Variants in RCBTB2 observed in about 807,000 individuals in gnomAD.
RCBTB2 encodes the protein RCC1 and BTB domain containing protein 2.
In RCBTB2, 55 loss-of-function variants were observed where a neutral mutation model predicts 65.4. The ratio of observed to expected loss-of-function variants is 0.84; its 90% CI spans 0.68 to 1.05. The LOEUF is 1.05. RCBTB2 is among the 50% of genes least tolerant of loss of function. RCBTB2 has a pLI of 0.00. For missense variants in RCBTB2, 599 were observed against 680.1 expected, an observed-to-expected ratio of 0.88 and a Z score of 1.33; for synonymous variants, 220 against 255.2, an observed-to-expected ratio of 0.86 and a Z score of 1.31.
At chr13:48,506,599 A>G (rs1423095752) in intron 10 of RCBTB2, among the ~76,000 whole-genome samples, 1 of 152,198 alleles carries the variant, frequency 6.6e-6, no homozygotes, top group East Asian at 1.9e-4. Context: ...GGGAGGCAGA[A>G]GCCGCGCTGG....
chr13:48,514,888 G>A lies in RCBTB2; in HGVS notation c.349+317C>T, dbSNP rs575428751. On this transcript the variant is annotated intron_variant, in intron 6 of 14. Coordinates refer to ENST00000344532, the MANE Select transcript of RCBTB2 (RefSeq NM_001268.4). Reference sequence around the variant, plus strand: ...ACAGAATGCTAAGAGTTGGCGGGGGGATGTTGGACACAAGGTTTAGTCTTT... The same window carrying A: ...ACAGAATGCTAAGAGTTGGCGGGGGAATGTTGGACACAAGGTTTAGTCTTT... 2.6e-5 allele frequency among the ~76,000 whole-genome samples: 4 copies of A among 152,288 alleles called. No individual in the cohort carries two copies. The South Asian group carries it at 8.3e-4, about 32-fold the overall frequency.
At chr13:48,528,244 G>T (rs987737944) in intron 1 of RCBTB2, among the ~76,000 whole-genome samples, 1 of 152,030 alleles carries the variant, frequency 6.6e-6, no homozygotes, top group African/African-American at 2.4e-5. Flanking sequence ...AGTTAATCAG[G>T]GGCTTCTAAA....
intron 14 of RCBTB2, among the ~76,000 whole-genome samples, chr13:48,493,313 ACACTCTCT>A (rs1398032114): frequency 6.7e-5 from 4 of 60,060 alleles, no homozygotes; most frequent in African/African-American, 2.9e-4. Context: ...ACACACACAC[ACACTCTCT>A]CTCTCTCTCT....
At chr13:48,515,518 C>T (rs540999702) in intron 5 of RCBTB2, 68 bp downstream of exon 5, 4 of 1,449,158 alleles carry the variant, frequency 2.8e-6, no homozygotes, top group Non-Finnish European at 3.8e-6. Context: ...TTAGTTCCCC[C>T]AAGATCTTCA....
intron 10 of RCBTB2, among the ~76,000 whole-genome samples, chr13:48,506,866 G>GAAAT (rs1277139535): frequency 1.3e-5 from 2 of 152,198 alleles, no homozygotes; most frequent in East Asian, 3.8e-4. Flanking sequence ...TGTGTCCTTT[G>GAAAT]GGGTAATGTT....
intron 1 of RCBTB2, among the ~76,000 whole-genome samples, chr13:48,527,339 T>TATATATATG (rs1951819984): frequency 8.5e-6 from 1 of 118,064 alleles, no homozygotes; most frequent in Non-Finnish European, 1.5e-5. Context: ...ATATATATGA[T>TATATATATG]ATATATATAT....
chr13:48,520,418 T>G (rs1951355433), intron 4 of RCBTB2, among the ~76,000 whole-genome samples: 1 of 152,208 alleles, frequency 6.6e-6, no homozygotes, highest in African/African-American at 2.4e-5. Context: ...CATGGCAATA[T>G]GGTGTCCCTA....
intron 10 of RCBTB2, among the ~76,000 whole-genome samples, chr13:48,510,285 T>C (rs548922544): frequency 3.0e-4 from 46 of 152,256 alleles, no homozygotes; most frequent in Non-Finnish European, 5.3e-4. Context: ...TTGAATGTTA[T>C]TGACACCCCC....
At chr13:48,509,744 T>C (rs1217875234) in intron 10 of RCBTB2, among the ~76,000 whole-genome samples, 1 of 152,216 alleles carries the variant, frequency 6.6e-6, no homozygotes, top group African/African-American at 2.4e-5. Flanking sequence ...ACTGAGGCAG[T>C]TGAAAAATGA....
intron 4 of RCBTB2, among the ~76,000 whole-genome samples, chr13:48,516,867 TATA>T (rs1437159787): frequency 6.6e-6 from 1 of 152,238 alleles, no homozygotes; most frequent in Non-Finnish European, 1.5e-5. Flanking sequence ...TTTTGTAGGT[TATA>T]ATAAGATACA....
intron 4 of RCBTB2, 136 bp from the exon 5 acceptor site, chr13:48,515,877 C>A: frequency 8.0e-6 from 7 of 877,432 alleles, no homozygotes; most frequent in Non-Finnish European, 1.2e-5. Flanking sequence ...CCTCTCGCAG[C>A]TGCAGGGATT....
In RCBTB2 at chr13:48,515,607, T is replaced by C. The variant is rs1247956366; in HGVS notation, c.177A>G (p.Leu59=). 5 of 1,610,896 alleles carry C rather than the reference T, an allele frequency of 3.1e-6. No individual in the cohort carries two copies. In the African/African-American group the frequency reaches 4.0e-5, roughly 13 times the overall value. The change falls in exon 5 of 15, where the codon TTA becomes TTG. Residue 59 remains leucine, a synonymous_variant. Transcript: ENST00000344532. ...CVFGSAGNEV[L]YTTVNDEIFV... ...TTACCTCATCATTTACTGTAGTGTA[T>C]AAAACTTCATTGCCAGCACTGCCAA...
intron 14 of RCBTB2, among the ~76,000 whole-genome samples, chr13:48,494,625 T>C (rs1369893355): frequency 6.6e-6 from 1 of 152,040 alleles, no homozygotes; most frequent in Non-Finnish European, 1.5e-5. Flanking sequence ...AAATAGAGAA[T>C]ATAAAAAAGT....
intron 4 of RCBTB2, 54 bp downstream of exon 4, chr13:48,521,844 G>A (rs1297343827): frequency 1.3e-6 from 2 of 1,522,382 alleles, no homozygotes; most frequent in Non-Finnish European, 1.8e-6. Flanking sequence ...GCTTCATGAA[G>A]TATGTTTCAT....
intron 1 of RCBTB2, among the ~76,000 whole-genome samples, chr13:48,530,694 C>T (rs148106047): frequency 1.3e-5 from 2 of 152,352 alleles, no homozygotes; most frequent in East Asian, 1.9e-4. Flanking sequence ...GTGGAGACAA[C>T]GTACAGTTTT....
intron 1 of RCBTB2, among the ~76,000 whole-genome samples, chr13:48,527,076 A>C (rs1951781072): frequency 1.3e-5 from 2 of 151,700 alleles, no homozygotes; most frequent in Admixed American, 1.3e-4. Flanking sequence ...CTTTCTACTT[A>C]TGGTCTAAAT....
chr13:48,496,532 T>C (rs1314980823), intron 13 of RCBTB2, among the ~76,000 whole-genome samples: 1 of 151,800 alleles, frequency 6.6e-6, no homozygotes, highest in African/African-American at 2.4e-5. Context: ...ACACAAATCA[T>C]TAGCTGTTGA....
chr13:48,535,350 G>A (rs950025848), upstream of RCBTB2, among the ~76,000 whole-genome samples: 7 of 151,578 alleles, frequency 4.6e-5, no homozygotes, highest in Middle Eastern at 0.014. Context: ...CCACCTCCCG[G>A]GTTCAGGTGA....
chr13:48,493,315 A>ACACACTCTCTCTCTCTCTCT, intron 14 of RCBTB2, among the ~76,000 whole-genome samples: 1 of 75,082 alleles, frequency 1.3e-5, no homozygotes, highest in African/African-American at 6.0e-5. Flanking sequence ...ACACACACAC[A>ACACACTCTCTCTCTCTCTCT]CTCTCTCTCT....
Sources: allele counts gnomAD v4.1 joint callset (sites outside exome capture counted in the v4.1 genomes callset), GRCh38; gene constraint gnomAD v4.1.1; transcripts MANE v1.5; gene names NCBI Gene and HGNC (gene_info 2026-07-23, HGNC 2026-07-21).